The following CREB5 variants were observed in gnomAD, a reference collection of about 807,000 sequenced individuals.
The protein encoded by CREB5 is cAMP responsive element binding protein 5, also known as cyclic AMP-responsive element-binding protein 5.
CREB5 carries 19 observed loss-of-function variants against 57.1 expected under a neutral mutation model. The ratio of observed to expected loss-of-function variants is 0.33; its 90% confidence interval spans 0.23 to 0.49. The LOEUF (loss-of-function observed/expected upper bound fraction) is 0.49, where lower values mean the gene tolerates loss of function less well. Ranked by LOEUF, CREB5 falls within the 20% of genes least tolerant of loss-of-function variation. The probability of loss-of-function intolerance (pLI) is 0.99; values close to 1 mark genes in which losing one functional copy is unlikely to be tolerated. For missense variants in CREB5, 579 were observed against 671.6 expected (o/e 0.86, Z 1.52); for synonymous variants, 238 against 238.3 (o/e 1.00, Z 0.01).
intron 1 of CREB5, among the ~76,000 whole-genome samples, chr7:28,395,529 C>T (rs539988236): frequency 8.5e-5 from 13 of 152,296 alleles, no homozygotes; most frequent in African/African-American, 3.1e-4. Context: ...CAGGTTCTCC[C>T]CTACTCCTTT....
chr7:28,388,254 T>C (rs935794867), intron 1 of CREB5, among the ~76,000 whole-genome samples: 1 of 152,218 alleles, frequency 6.6e-6, no homozygotes, highest in African/African-American at 2.4e-5. Flanking sequence ...CCTGTGGTTA[T>C]GAATTTTCAG....
intron 1 of CREB5, among the ~76,000 whole-genome samples, chr7:28,308,464 G>A (rs533205687): frequency 6.6e-6 from 1 of 152,266 alleles, no homozygotes; most frequent in Admixed American, 6.5e-5. Flanking sequence ...TTTGATTTAG[G>A]TATTACTAGT....
intron 1 of CREB5, among the ~76,000 whole-genome samples, chr7:28,433,772 T>C (rs1324934222): frequency 6.6e-6 from 1 of 152,042 alleles, no homozygotes; most frequent in Non-Finnish European, 1.5e-5. Context: ...TTGTGGTTGA[T>C]TTATGAGTCT....
intron 7 of CREB5, among the ~76,000 whole-genome samples, chr7:28,772,831 A>AT (rs1046211422): frequency 6.6e-6 from 1 of 152,080 alleles, no homozygotes; most frequent in Non-Finnish European, 1.5e-5. Flanking sequence ...CATCTACTGC[A>AT]TTTTGGGGCG....
intron 5 of CREB5, among the ~76,000 whole-genome samples, chr7:28,604,290 T>A (rs771341487): frequency 9.2e-5 from 14 of 152,170 alleles, no homozygotes; most frequent in Non-Finnish European, 1.6e-4. Context: ...ATATTGGATA[T>A]AGATATCTGA....
chr7:28,587,511 C>T (rs1796346213), intron 5 of CREB5, among the ~76,000 whole-genome samples: 1 of 122,696 alleles, frequency 8.2e-6, no homozygotes. Context: ...AAAAAAAATA[C>T]ATTTTGTAAA....
chr7:28,306,714 C>T (rs552550757), intron 1 of CREB5, among the ~76,000 whole-genome samples: 9 of 151,282 alleles, frequency 5.9e-5, no homozygotes, highest in South Asian at 2.1e-4. Context: ...GCGCCCGCCA[C>T]TATGCCCGGC....
At chr7:28,357,725 A>G (rs1195033276) in intron 1 of CREB5, among the ~76,000 whole-genome samples, 1 of 152,160 alleles carries the variant, frequency 6.6e-6, no homozygotes, top group Non-Finnish European at 1.5e-5. Flanking sequence ...TCTTCAATGT[A>G]CAAGAACTAA....
chr7:28,445,078 C>T lies in CREB5; in HGVS notation c.3+32161C>T, dbSNP rs141238409. ...TTCTTGTGATAGTGAATAAGTCTCACGAGAACTGATGGTTTTACAAAAGGG... is the reference window on the plus strand; with the variant it reads ...TTCTTGTGATAGTGAATAAGTCTCATGAGAACTGATGGTTTTACAAAAGGG... On this transcript the variant is annotated intron_variant, in intron 1 of 10. Coordinates refer to ENST00000357727, the MANE Select transcript of CREB5 (RefSeq NM_182898.4). Among the ~76,000 whole-genome samples, 403 of 152,254 alleles carry T rather than the reference C, an allele frequency of 2.6e-3. 4 individuals are homozygous for T. Among genetic ancestry groups the T allele is most frequent in the African/African-American group, 9.3e-3 (386 of 41,550 alleles).
chr7:28,805,357 G>A (rs1808652782), intron 8 of CREB5, among the ~76,000 whole-genome samples: 1 of 152,164 alleles, frequency 6.6e-6, no homozygotes, highest in African/African-American at 2.4e-5. Flanking sequence ...ATGTCCAGGA[G>A]CATGGCTGGG....
intron 1 of CREB5, among the ~76,000 whole-genome samples, chr7:28,324,211 C>T (rs1261903145): frequency 6.6e-6 from 1 of 152,142 alleles, no homozygotes; most frequent in Non-Finnish European, 1.5e-5. Flanking sequence ...ATAAAACAAA[C>T]CTTACATGAT....
intron 5 of CREB5, among the ~76,000 whole-genome samples, chr7:28,712,098 A>C (rs1284597890): frequency 6.6e-6 from 1 of 152,116 alleles, no homozygotes; most frequent in East Asian, 1.9e-4. Flanking sequence ...TAGGATTCCA[A>C]CCTAGGTAGT....
intron 7 of CREB5, among the ~76,000 whole-genome samples, chr7:28,748,371 C>T (rs974580699): frequency 2.6e-5 from 4 of 152,174 alleles, no homozygotes; most frequent in African/African-American, 9.7e-5. Flanking sequence ...CTAGCTGTCA[C>T]TATGAGGAAG....
chr7:28,674,693 G>T (rs1800234193), intron 5 of CREB5, among the ~76,000 whole-genome samples: 1 of 152,178 alleles, frequency 6.6e-6, no homozygotes, highest in Non-Finnish European at 1.5e-5. Context: ...CTTCACCACA[G>T]TTGGCACAAG....
chr7:28,586,174 A>G (rs1472634923), intron 5 of CREB5, among the ~76,000 whole-genome samples: 2 of 152,172 alleles, frequency 1.3e-5, no homozygotes, highest in African/African-American at 4.8e-5. Context: ...CCAAAAGCCC[A>G]TGCTCCTTGT....
intron 1 of CREB5, among the ~76,000 whole-genome samples, chr7:28,388,096 T>C (rs1787146900): frequency 6.6e-6 from 1 of 152,120 alleles, no homozygotes; most frequent in South Asian, 2.1e-4. Flanking sequence ...GAGTTGAGGG[T>C]GAGTTCCTAA....
chr7:28,417,134 C>T (rs1172537306), intron 1 of CREB5, among the ~76,000 whole-genome samples: 2 of 152,090 alleles, frequency 1.3e-5, no homozygotes, highest in African/African-American at 2.4e-5. Flanking sequence ...ATGAGAATGT[C>T]GGGCTCACCC....
At chr7:28,492,491 T>C (rs1791849408) in intron 2 of CREB5, among the ~76,000 whole-genome samples, 1 of 152,170 alleles carries the variant, frequency 6.6e-6, no homozygotes, top group Non-Finnish European at 1.5e-5. Flanking sequence ...TTTTTGTTAT[T>C]TGCAATTTGC....
chr7:28,368,872 A>C (rs1277856067), intron 1 of CREB5, among the ~76,000 whole-genome samples: 2 of 152,006 alleles, frequency 1.3e-5, no homozygotes, highest in African/African-American at 4.8e-5. Context: ...CATGGCAAGA[A>C]CCTCTTTCTA....
Sources: gnomAD v4.1 joint callset for allele counts (sites outside exome capture counted in the v4.1 genomes callset) on GRCh38, gnomAD v4.1.1 for gene constraint, MANE v1.5 for transcripts, NCBI Gene and HGNC (gene_info 2026-07-23, HGNC 2026-07-21) for gene names.